LMNA: variants seen among roughly 807,000 people sequenced by gnomAD.
The protein encoded by LMNA is lamin A/C, also known as lamin.
A neutral mutation model predicts 70.4 loss-of-function variants in LMNA; 20 were observed. The observed-to-expected ratio is 0.28, with a 90% confidence interval of 0.20 to 0.41. The LOEUF (loss-of-function observed/expected upper bound fraction) is 0.41, where lower values mean the gene tolerates loss of function less well. Ranked by LOEUF, LMNA falls within the 10% of genes least tolerant of loss-of-function variation. The pLI, the probability that LMNA is intolerant of heterozygous loss-of-function variation, is 1.00. For missense variants in LMNA, 652 were observed against 917.2 expected (o/e 0.71, Z 3.73); for synonymous variants, 339 against 372.8 (o/e 0.91, Z 1.04).
Position 156,138,861 on chromosome 1 carries a change from G to T in LMNA, c.1968+104G>T. ...GGGGGGAGAGCCTGCCTTCTCTTCC[G>T]CAGCCCGGGGGAGTGGGAGCCTCCT... On this transcript the variant is annotated intron_variant, in intron 11 of 11. Transcript: ENST00000368300. The surrounding 1 kb of genome is among the most constrained non-coding windows in gnomAD (Gnocchi z 5.5). The T allele has an allele frequency of 6.7e-7, 1 of 1,485,860 alleles. No individual in the cohort carries two copies. Among genetic ancestry groups the T allele is most frequent in the Non-Finnish European group, 9.3e-7 (1 of 1,075,896 alleles). The allele number at this position is 1,485,860 out of a possible 1,614,324, so 92.0% of individuals were successfully genotyped here. A position where few individuals can be genotyped will look rare whatever the true frequency, so the allele number is the denominator to read the frequency against.
In LMNA at chr1:156,136,486, G is replaced by T. The variant is rs1415552933; in HGVS notation, c.1380+50G>T. The T allele has an allele frequency of 6.6e-7, 1 of 1,511,472 alleles. No homozygotes were observed. The highest frequency in any genetic ancestry group is 2.0e-5 in the Admixed American group (1 of 51,020). The allele number at this position is 1,511,472 out of a possible 1,614,324, so 93.6% of individuals were successfully genotyped here. A position where few individuals can be genotyped will look rare whatever the true frequency, so the allele number is the denominator to read the frequency against. On this transcript the variant is annotated intron_variant, in intron 7 of 11. Transcript: ENST00000368300. This position sits in a 1 kb window ranked among gnomAD's most constrained non-coding sequence, Gnocchi z 6.1. Reference sequence around the variant, plus strand: ...GGGATACAGCTGCATCAGGGAGAGAGTGGCAAGACAGAAGGATGGCATGTG... The same window carrying T: ...GGGATACAGCTGCATCAGGGAGAGATTGGCAAGACAGAAGGATGGCATGTG...
intron 1 of LMNA, among the ~76,000 whole-genome samples, chr1:156,119,307 G>A (rs1293772560): frequency 2.0e-5 from 3 of 152,062 alleles, no homozygotes; most frequent in African/African-American, 4.8e-5. Flanking sequence ...TAGTAGAGTT[G>A]GGGTTTCACC....
At chr1:156,089,567 T>C (rs928335438) in intron 2 of LMNA, among the ~76,000 whole-genome samples, 3 of 149,136 alleles carry the variant, frequency 2.0e-5, no homozygotes, top group Non-Finnish European at 3.0e-5. Context: ...CACTCCAGCC[T>C]GGGCAGCAAG....
Position 156,114,925 on chromosome 1 carries a change from A to G in LMNA, c.7A>G (p.Thr3Ala), listed in dbSNP as rs1183004393. Residue 3 changes from threonine (T) to alanine (A), a missense_variant, in exon 1 of 12, where the codon ACC becomes GCC. Coordinates refer to ENST00000368300, the MANE Select transcript of LMNA (RefSeq NM_170707.4). ...CGCTGCCAACCTGCCGGCCATGGAG[A>G]CCCCGTCCCAGCGGCGCGCCACCCG... Reference protein sequence around the residue: METPSQRRATRSG... With the variant: MEAPSQRRATRSG... The G allele has an allele frequency of 6.4e-7, 1 of 1,553,386 alleles. No individual in the cohort carries two copies. Among genetic ancestry groups the G allele is most frequent in the Admixed American group, 1.9e-5 (1 of 52,740 alleles).
At chr1:156,091,243 G>A (rs1482282502) in intron 3 of LMNA, 1 of 152,270 alleles carries the variant, frequency 6.6e-6, no homozygotes, top group Non-Finnish European at 1.5e-5. Flanking sequence ...GAGGAAACAG[G>A]CATTTGAGTC....
chr1:156,118,286 G>T lies in LMNA; in HGVS notation c.356+3012G>T, dbSNP rs531043021. Reference sequence around the variant, plus strand: ...TTTTAGCAGTTTTAGCAGTTTTCTGGTCAAAACTTTGATCGAGAAACAGAT... The same window carrying T: ...TTTTAGCAGTTTTAGCAGTTTTCTGTTCAAAACTTTGATCGAGAAACAGAT... On this transcript the variant is annotated intron_variant, in intron 1 of 11. Transcript: ENST00000368300. Among the ~76,000 whole-genome samples the T allele has an allele frequency of 1.9e-4, 29 of 152,240 alleles. No homozygotes were observed. In the East Asian group the frequency reaches 4.1e-3, roughly 21 times the overall value.
At chr1:156,130,859 C>A in intron 2 of LMNA, 86 bp downstream of exon 2, 3 of 1,263,240 alleles carry the variant, frequency 2.4e-6, no homozygotes, top group Non-Finnish European at 2.2e-6. Flanking sequence ...CCATGTGGTG[C>A]CTGGTCTGAC....
At position 156,117,914 on chromosome 1, in the gene LMNA, C is replaced by A. The variant is rs900030759; in HGVS notation, c.356+2640C>A. ...TCCTCCTGGGCTCAAGCGATCCTACCGTCTCACCTTCCGGAATAGCTGAGA... is the reference window on the plus strand; with the variant it reads ...TCCTCCTGGGCTCAAGCGATCCTACAGTCTCACCTTCCGGAATAGCTGAGA... On this transcript the variant is annotated intron_variant, in intron 1 of 11. Transcript: ENST00000368300. Among the ~76,000 whole-genome samples the A allele has an allele frequency of 3.8e-4, 57 of 151,880 alleles. 1 individual carries two copies. The highest frequency in any genetic ancestry group is 2.6e-4 in the Admixed American group (4 of 15,256).
chr1:156,122,202 G>C (rs1163211477), intron 1 of LMNA, among the ~76,000 whole-genome samples: 3 of 152,110 alleles, frequency 2.0e-5, no homozygotes, highest in Admixed American at 6.6e-5. Context: ...CTAGCCCTCG[G>C]TGCCCTTAGT....
chr1:156,096,828 T>C (rs1408313981), intron 3 of LMNA, among the ~76,000 whole-genome samples: 1 of 152,208 alleles, frequency 6.6e-6, no homozygotes, highest in Non-Finnish European at 1.5e-5. Context: ...CTTGGCCACC[T>C]CCCTTGCGCT....
chr1:156,092,369 C>T (rs1278686119), intron 3 of LMNA, among the ~76,000 whole-genome samples: 2 of 151,702 alleles, frequency 1.3e-5, no homozygotes, highest in Non-Finnish European at 2.9e-5. Context: ...AGAGCGAGAT[C>T]CCATCACTAT....
At chr1:156,106,002 G>A (rs942261879) in intron 3 of LMNA, among the ~76,000 whole-genome samples, 2 of 152,236 alleles carry the variant, frequency 1.3e-5, no homozygotes, top group Admixed American at 6.5e-5. Flanking sequence ...GGGCGTGGTG[G>A]CTGGCTCCTG....
intron 2 of LMNA, among the ~76,000 whole-genome samples, chr1:156,087,629 C>A (rs1648530812): frequency 6.6e-6 from 1 of 152,096 alleles, no homozygotes. Flanking sequence ...TCATGGCTCA[C>A]TGAAGCCTTG....
At position 156,136,522 on chromosome 1, in the gene LMNA, C is replaced by A; in HGVS notation, c.1380+86C>A. The A allele has an allele frequency of 7.4e-7, 1 of 1,349,672 alleles. No homozygotes were observed. Among genetic ancestry groups the A allele is most frequent in the Non-Finnish European group, 1.0e-6 (1 of 975,608 alleles). The allele number at this position is 1,349,672 out of a possible 1,614,324, so 83.6% of individuals were successfully genotyped here. On this transcript the variant is annotated intron_variant, in intron 7 of 11. Transcript: ENST00000368300. This position sits in a 1 kb window ranked among gnomAD's most constrained non-coding sequence, Gnocchi z 6.1. ...GAAGGATGGCATGTGGAGAGAGGAA[C>A]ATCCTTGCCCTCAGAGGGTGGACCA...
chr1:156,086,703 G>A (rs1430689530), intron 2 of LMNA, among the ~76,000 whole-genome samples: 2 of 152,048 alleles, frequency 1.3e-5, no homozygotes, highest in African/African-American at 4.8e-5. Context: ...GCAGTGGCAC[G>A]ATCTTGGCCC....
In LMNA at chr1:156,134,286, C is replaced by T. The variant is rs1651327249; in HGVS notation, c.514-117C>T. 1 of 1,185,504 alleles carries T rather than the reference C, an allele frequency of 8.4e-7. No individual in the cohort carries two copies. Among genetic ancestry groups the T allele is most frequent in the Non-Finnish European group, 1.2e-6 (1 of 821,234 alleles). The allele number at this position is 1,185,504 out of a possible 1,614,324, so 73.4% of individuals were successfully genotyped here. A position where few individuals can be genotyped will look rare whatever the true frequency, so the allele number is the denominator to read the frequency against. On this transcript the variant is annotated intron_variant, in intron 2 of 11. Transcript: ENST00000368300. This position sits in a 1 kb window ranked among gnomAD's most constrained non-coding sequence, Gnocchi z 5.3. Reference sequence around the variant, plus strand: ...CTGCAGGCATCCAAGGCCCTCCTTCCCTGGACCTGTTTCCACATGTGTGAA... The same window carrying T: ...CTGCAGGCATCCAAGGCCCTCCTTCTCTGGACCTGTTTCCACATGTGTGAA...
intron 3 of LMNA, among the ~76,000 whole-genome samples, chr1:156,092,300 A>G (rs192115212): frequency 5.3e-5 from 8 of 152,218 alleles, no homozygotes; most frequent in Admixed American, 3.3e-4. Flanking sequence ...TAGGAGGAGC[A>G]CTTGAGTTCA....
intron 2 of LMNA, among the ~76,000 whole-genome samples, chr1:156,085,717 T>C (rs996774797): frequency 6.6e-6 from 1 of 152,184 alleles, no homozygotes; most frequent in Non-Finnish European, 1.5e-5. Flanking sequence ...TGGGGAGTCA[T>C]TTATTGCTAA....
At chr1:156,129,325 A>G (rs1243980540) in intron 1 of LMNA, among the ~76,000 whole-genome samples, 1 of 150,724 alleles carries the variant, frequency 6.6e-6, no homozygotes. Flanking sequence ...CCTTTTTTGG[A>G]CTCTCCTAAG....
Sources: allele counts gnomAD v4.1 joint callset (sites outside exome capture counted in the v4.1 genomes callset), GRCh38; gene constraint gnomAD v4.1.1; non-coding constraint Gnocchi (gnomAD v3.1); transcripts MANE v1.5; gene names NCBI Gene and HGNC (gene_info 2026-07-23, HGNC 2026-07-21).